Variants in STK10 observed in about 807,000 individuals in gnomAD.
STK10 encodes serine/threonine-protein kinase 10.
STK10 carries 78 observed loss-of-function variants against 113.8 expected under a neutral mutation model. The observed-to-expected ratio is 0.69, with a 90% CI of 0.57 to 0.83. The LOEUF is 0.83. Ranked by LOEUF, STK10 falls within the 40% of genes least tolerant of loss-of-function variation. STK10 has a pLI of 0.00. For synonymous variants in STK10, 465 were observed against 494.7 expected (o/e 0.94, Z 0.80); for missense variants, 1,109 against 1,280.1 (o/e 0.87, Z 2.04).
intron 1 of STK10, among the ~76,000 whole-genome samples, chr5:172,178,514 T>C (rs1001009415): frequency 6.6e-6 from 1 of 152,160 alleles, no homozygotes. Context: ...GGAGGCCGCC[T>C]TCTTATCCTG....
chr5:172,106,562 T>A, intron 6 of STK10, 58 bp downstream of exon 6: 2 of 1,534,900 alleles, frequency 1.3e-6, no homozygotes, highest in Non-Finnish European at 1.8e-6. Flanking sequence ...CCACCACATA[T>A]TCCAGCCCTA....
intron 7 of STK10, 105 bp from the exon 8 acceptor site, chr5:172,096,665 C>T: frequency 6.7e-7 from 1 of 1,487,812 alleles, no homozygotes; most frequent in East Asian, 2.3e-5. Context: ...AGCCTCATTC[C>T]TGAGCAAAAT....
rs56214442 is a variant in STK10 at position 172,096,467 on chromosome 5, G to A, written c.964C>T (p.Arg322Trp). 2.9e-5 allele frequency: 46 copies of A among 1,613,316 alleles called. 1 individual carries two copies. Among genetic ancestry groups the A allele is most frequent in the Middle Eastern group, 3.3e-4 (2 of 6,084 alleles). Reference protein sequence around the residue: ...AEVMEEIEDGRDEGEEEDAVD... With the variant: ...AEVMEEIEDGWDEGEEEDAVD... ...GCGTCCTCCTCTTCCCCCTCATCCC[G>A]GCCGTCTTCGATCTCTTCCATCACC... Residue 322 changes from arginine (R) to tryptophan (W), a missense_variant, in exon 8 of 19, where the codon CGG becomes TGG. Physicochemically the swap from Arg to Trp is moderately radical, Grantham distance 101 (BLOSUM62 -3). This residue lies in a region of STK10 where 885 missense variants were observed against 991.1 expected (regional missense o/e 0.89). Transcript: ENST00000176763.
chr5:172,170,024 G>T (rs759453123), intron 1 of STK10, among the ~76,000 whole-genome samples: 4 of 152,010 alleles, frequency 2.6e-5, no homozygotes, highest in African/African-American at 9.6e-5. Context: ...TTCTCTCTTG[G>T]AACTGTGTAT....
At chr5:172,147,559 T>C (rs1239820964) in intron 2 of STK10, among the ~76,000 whole-genome samples, 1 of 152,082 alleles carries the variant, frequency 6.6e-6, no homozygotes, top group African/African-American at 2.4e-5. Context: ...GCCCAGCTAA[T>C]CTTTTTGTAT....
intron 14 of STK10, among the ~76,000 whole-genome samples, chr5:172,060,017 C>T (rs1767898732): frequency 6.6e-6 from 1 of 152,134 alleles, no homozygotes; most frequent in Admixed American, 6.6e-5. Context: ...AATCTTAACC[C>T]CTGAGGTGAG....
At chr5:172,074,328 T>C (rs893048017) in intron 12 of STK10, among the ~76,000 whole-genome samples, 32 of 152,310 alleles carry the variant, frequency 2.1e-4, no homozygotes, top group African/African-American at 6.7e-4. Context: ...CACTGTAGTA[T>C]TGGTGAAGGA....
chr5:172,114,289 C>CGTGT (rs111441878), intron 4 of STK10, among the ~76,000 whole-genome samples: 7,464 of 138,684 alleles, frequency 0.054, 415 homozygotes, highest in African/African-American at 0.15. Context: ...TAGCTACTCT[C>CGTGT]GTGTGTGTGT....
In STK10 at chr5:172,043,577, A is replaced by G. The variant is rs1247069426; in HGVS notation, c.*1305T>C. 6.6e-6 allele frequency: 1 copy of G among 152,206 alleles called. No homozygotes were observed. The highest frequency in any genetic ancestry group is 1.5e-5 in the Non-Finnish European group (1 of 68,046). The allele number at this position is 152,206 out of a possible 1,614,324, so 9.4% of individuals were successfully genotyped here. A position where few individuals can be genotyped will look rare whatever the true frequency, so the allele number is the denominator to read the frequency against. On this transcript the variant is annotated 3_prime_UTR_variant, in exon 19 of 19. Transcript: ENST00000176763. ...TAGTTGTTTCAATAAAATAATTAGA[A>G]ATCAGGGTGAAAAAAGGTTTCCTTG...
At chr5:172,091,016 C>G (rs1768691375) in intron 9 of STK10, among the ~76,000 whole-genome samples, 1 of 150,934 alleles carries the variant, frequency 6.6e-6, no homozygotes, top group Non-Finnish European at 1.5e-5. Flanking sequence ...TGTCTCTGGG[C>G]CAGCCTCTTG....
intron 1 of STK10, among the ~76,000 whole-genome samples, chr5:172,169,689 C>T (rs915016079): frequency 6.6e-6 from 1 of 152,160 alleles, no homozygotes; most frequent in East Asian, 1.9e-4. Context: ...CTTGAGCCCA[C>T]CCTTGCTGGG....
intron 3 of STK10, among the ~76,000 whole-genome samples, chr5:172,119,878 T>G (rs1179406684): frequency 8.3e-6 from 1 of 120,836 alleles, no homozygotes; most frequent in Non-Finnish European, 1.6e-5. Context: ...AATAAATAAA[T>G]AAATAATAAA....
chr5:172,116,911 G>A (rs1581164761), intron 4 of STK10, among the ~76,000 whole-genome samples: 1 of 152,000 alleles, frequency 6.6e-6, no homozygotes, highest in Non-Finnish European at 1.5e-5. Flanking sequence ...TGTGCTTAAT[G>A]TCCTACTGTT....
At chr5:172,167,165 A>AG (rs374419848) in intron 1 of STK10, among the ~76,000 whole-genome samples, 1,895 of 148,810 alleles carry the variant, frequency 0.013, 36 homozygotes, top group African/African-American at 0.043. Flanking sequence ...TCTCAAAAAA[A>AG]AAAAAAGAAA....
intron 4 of STK10, among the ~76,000 whole-genome samples, chr5:172,115,478 C>A (rs1001005073): frequency 1.3e-5 from 2 of 152,112 alleles, no homozygotes; most frequent in African/African-American, 2.4e-5. Context: ...GGGATACGGT[C>A]CTGGCAGCGT....
At position 172,120,645 on chromosome 5, in the gene STK10, GA is replaced by G. The variant is rs1374194299; in HGVS notation, c.371-3016del. Among the ~76,000 whole-genome samples, 1 of 152,190 alleles carries G rather than the reference GA, an allele frequency of 6.6e-6. No homozygotes were observed. The highest frequency in any genetic ancestry group is 2.4e-5 in the African/African-American group (1 of 41,458). ...CATTTCCTGGTCTGTGAAATGGGATGATTATAATCGACATAGGCAGGGCTCC... is the reference window on the plus strand; with the variant it reads ...CATTTCCTGGTCTGTGAAATGGGATGTTATAATCGACATAGGCAGGGCTCC... On this transcript the variant is annotated intron_variant, in intron 3 of 18. Transcript: ENST00000176763. The surrounding 1 kb of genome is among the most constrained non-coding windows in gnomAD (Gnocchi z 4.0).
intron 5 of STK10, chr5:172,107,129 C>T: frequency 1.1e-5 from 3 of 278,660 alleles, no homozygotes; most frequent in Non-Finnish European, 2.0e-5. Context: ...AAAAAAGGGG[C>T]GTGGAGGTGG....
intron 4 of STK10, among the ~76,000 whole-genome samples, chr5:172,109,391 T>C (rs1189165909): frequency 2.0e-5 from 3 of 151,816 alleles, no homozygotes; most frequent in Non-Finnish European, 4.4e-5. Flanking sequence ...GGCACAATCA[T>C]GGCTCACTGC....
At chr5:172,138,896 CCCAGCT>C (rs1769923136) in intron 2 of STK10, among the ~76,000 whole-genome samples, 2 of 152,120 alleles carry the variant, frequency 1.3e-5, no homozygotes, top group Non-Finnish European at 2.9e-5. Context: ...TGCCTGTAGT[CCCAGCT>C]ACTCGGGAGG....
Sources: gnomAD v4.1 joint callset for allele counts (sites outside exome capture counted in the v4.1 genomes callset) on GRCh38, gnomAD v4.1.1 for gene constraint, gnomAD v4.1.1 regional missense constraint, Gnocchi (gnomAD v3.1) non-coding constraint, MANE v1.5 for transcripts, NCBI Gene and HGNC (gene_info 2026-07-23, HGNC 2026-07-21) for gene names.